MOB3B: variants seen among roughly 807,000 people sequenced by gnomAD.
MOB3B encodes the protein MOB kinase activator-like 2B.
A neutral mutation model predicts 18.7 loss-of-function variants in MOB3B; 7 were observed. The observed-to-expected ratio is 0.37, with a 90% CI of 0.21 to 0.70. The LOEUF (loss-of-function observed/expected upper bound fraction) is 0.70. Among genes scored for constraint, MOB3B ranks in the 30% least tolerant of loss-of-function variants. The probability of loss-of-function intolerance (pLI) is 0.52; values close to 1 mark genes in which losing one functional copy is unlikely to be tolerated. For missense variants in MOB3B, 253 were observed against 281.3 expected (o/e 0.90, Z 0.72); for synonymous variants, 111 against 99.9 (o/e 1.11, Z -0.66).
intron 1 of MOB3B, among the ~76,000 whole-genome samples, chr9:27,479,630 T>C (rs1049744804): frequency 6.6e-6 from 1 of 152,072 alleles, no homozygotes; most frequent in Non-Finnish European, 1.5e-5. Context: ...TAAACACCCC[T>C]ACTCAAAAAA....
intron 2 of MOB3B, among the ~76,000 whole-genome samples, chr9:27,379,771 A>G (rs987374245): frequency 2.6e-5 from 4 of 152,320 alleles, no homozygotes; most frequent in Middle Eastern, 3.4e-3. Flanking sequence ...AAAAGATTAT[A>G]AGCACTGAAA....
At chr9:27,369,870 G>C (rs1025722468) in intron 2 of MOB3B, among the ~76,000 whole-genome samples, 5 of 151,482 alleles carry the variant, frequency 3.3e-5, no homozygotes, top group African/African-American at 1.2e-4. Flanking sequence ...CCTCAGTCTA[G>C]GTAGGCATAT....
chr9:27,454,841 G>C (rs920960369), intron 2 of MOB3B, among the ~76,000 whole-genome samples: 6 of 152,178 alleles, frequency 3.9e-5, no homozygotes, highest in Admixed American at 6.5e-5. Context: ...AGATAAGTGA[G>C]TGAGTCTGAC....
intron 2 of MOB3B, among the ~76,000 whole-genome samples, chr9:27,380,769 C>A (rs1051396080): frequency 2.6e-5 from 4 of 151,296 alleles, no homozygotes; most frequent in Non-Finnish European, 5.9e-5. Flanking sequence ...CCATCCCCCA[C>A]CTGCCCACCA....
At chr9:27,447,006 A>AT (rs35871333) in intron 2 of MOB3B, among the ~76,000 whole-genome samples, 105,971 of 150,902 alleles carry the variant, frequency 0.7, 38,382 homozygotes, top group African/African-American at 0.8. Context: ...ATTAGCATGA[A>AT]TTTTTTTTTT....
chr9:27,443,004 GA>G (rs1451786541), intron 2 of MOB3B, among the ~76,000 whole-genome samples: 12 of 152,170 alleles, frequency 7.9e-5, no homozygotes, highest in African/African-American at 2.7e-4. Flanking sequence ...GCTCGCCCCA[GA>G]CAAGTGGGTC....
chr9:27,393,524 A>C (rs1202435995), intron 2 of MOB3B, among the ~76,000 whole-genome samples: 1 of 152,146 alleles, frequency 6.6e-6, no homozygotes. Flanking sequence ...TTGTGTTCCC[A>C]AGGAGTTGTG....
intron 2 of MOB3B, among the ~76,000 whole-genome samples, chr9:27,392,078 A>G (rs1450792941): frequency 6.6e-6 from 1 of 152,220 alleles, no homozygotes; most frequent in African/African-American, 2.4e-5. Context: ...AAGCAGCATC[A>G]GAATCCCCTC....
chr9:27,465,560 C>G (rs1819369253), intron 1 of MOB3B, among the ~76,000 whole-genome samples: 2 of 152,184 alleles, frequency 1.3e-5, no homozygotes, highest in African/African-American at 4.8e-5. Context: ...AGCAGTGCCC[C>G]AGTAGGGACT....
intron 1 of MOB3B, among the ~76,000 whole-genome samples, chr9:27,460,204 A>G (rs963995050): frequency 2.0e-5 from 3 of 152,236 alleles, no homozygotes; most frequent in East Asian, 1.9e-4. Flanking sequence ...TGACTCCTTC[A>G]GAGTATTACT....
intron 2 of MOB3B, among the ~76,000 whole-genome samples, chr9:27,434,998 T>C (rs967882992): frequency 1.3e-5 from 2 of 152,104 alleles, no homozygotes; most frequent in Admixed American, 1.3e-4. Flanking sequence ...GAAAAGTCAC[T>C]CTTGTAAGAG....
chr9:27,469,637 GA>G (rs1819440627), intron 1 of MOB3B, among the ~76,000 whole-genome samples: 1 of 152,154 alleles, frequency 6.6e-6, no homozygotes, highest in Non-Finnish European at 1.5e-5. Flanking sequence ...CTAGTGCCCA[GA>G]AAACTGAAGT....
chr9:27,392,883 G>C lies in MOB3B; in HGVS notation c.419-33647C>G, dbSNP rs549761990. On this transcript the variant is annotated intron_variant, in intron 2 of 3. Coordinates refer to ENST00000262244, the MANE Select transcript of MOB3B (RefSeq NM_024761.5). ...ACATGGATTAATCAACTGACATACA[G>C]AAGGGACTCAAAAAATGTCCACATT... Among the ~76,000 whole-genome samples the C allele has an allele frequency of 1.1e-3, 163 of 152,254 alleles. 1 individual carries two copies. The highest frequency in any genetic ancestry group is 2.1e-3 in the Non-Finnish European group (143 of 68,020).
chr9:27,487,189 T>A (rs1174503854), intron 1 of MOB3B, among the ~76,000 whole-genome samples: 3 of 145,014 alleles, frequency 2.1e-5, no homozygotes, highest in African/African-American at 8.3e-5. Flanking sequence ...GGGAGGCAAT[T>A]CTCCATAACG....
At chr9:27,420,742 A>G (rs1419287962) in intron 2 of MOB3B, among the ~76,000 whole-genome samples, 1 of 151,270 alleles carries the variant, frequency 6.6e-6, no homozygotes, top group Admixed American at 6.6e-5. Flanking sequence ...GAGCTAAGCT[A>G]TGAGGATGCA....
chr9:27,347,954 A>C (rs1821052813), intron 3 of MOB3B, among the ~76,000 whole-genome samples: 1 of 152,224 alleles, frequency 6.6e-6, no homozygotes, highest in South Asian at 2.1e-4. Flanking sequence ...AAGTTGCCTA[A>C]AGACACATTT....
chr9:27,330,702 T>A, intron 3 of MOB3B, 86 bp from the exon 4 acceptor site: 1 of 1,572,930 alleles, frequency 6.4e-7, no homozygotes, highest in Non-Finnish European at 8.7e-7. Flanking sequence ...GCTCTTGGAA[T>A]CTCGAGAGCC....
chr9:27,407,529 C>T (rs1295275209), intron 2 of MOB3B, among the ~76,000 whole-genome samples: 1 of 152,096 alleles, frequency 6.6e-6, no homozygotes, highest in East Asian at 1.9e-4. Context: ...GCATGGAGAG[C>T]TTGATTTTAT....
At chr9:27,480,539 A>G (rs992232909) in intron 1 of MOB3B, among the ~76,000 whole-genome samples, 2 of 152,022 alleles carry the variant, frequency 1.3e-5, no homozygotes, top group Non-Finnish European at 2.9e-5. Flanking sequence ...TGACCTTGTG[A>G]TCCGACTGCC....
Sources: gnomAD v4.1 joint callset for allele counts (sites outside exome capture counted in the v4.1 genomes callset) on GRCh38, gnomAD v4.1.1 for gene constraint, MANE v1.5 for transcripts, NCBI Gene and HGNC (gene_info 2026-07-23, HGNC 2026-07-21) for gene names.